The following FANCD2OS variants were observed in gnomAD, a reference collection of about 807,000 sequenced individuals.
FANCD2OS encodes FANCD2 opposite strand protein.
FANCD2OS carries 11 observed loss-of-function variants against 13.2 expected under a neutral mutation model. The ratio of observed to expected loss-of-function variants is 0.83; its 90% CI spans 0.52 to 1.38. FANCD2OS has a LOEUF of 1.38. FANCD2OS is among the 40% of genes most tolerant of loss of function. The pLI, the probability that FANCD2OS is intolerant of heterozygous loss-of-function variation, is 0.00. For synonymous variants in FANCD2OS, 69 were observed against 84.5 expected (o/e 0.82, Z 1.01); for missense variants, 217 against 213.9 (o/e 1.01, Z -0.09).
downstream of FANCD2OS, chr3:10,098,981 C>T (rs752791782): frequency 1.9e-6 from 3 of 1,613,944 alleles, no homozygotes; most frequent in East Asian, 4.5e-5. Flanking sequence ...TTTTTGGGAC[C>T]CAGAAGAAAC....
At chr3:10,101,602 C>G, downstream of FANCD2OS, 1 of 368,842 alleles carries the variant, frequency 2.7e-6, no homozygotes, top group South Asian at 2.8e-5. Flanking sequence ...GCCAGATGGT[C>G]TCAATCTCCT....
chr3:10,101,374 C>A (rs745331502), downstream of FANCD2OS: 860 of 577,290 alleles, frequency 1.5e-3, 8 homozygotes, highest in Middle Eastern at 0.033. Flanking sequence ...CTTTTTTGTT[C>A]CTCTTTTTTT....
chr3:10,090,254 A>T, intron 2 of FANCD2OS: 1 of 1,473,388 alleles, frequency 6.8e-7, no homozygotes, highest in Non-Finnish European at 9.5e-7. Flanking sequence ...TAAGCAGTGC[A>T]TCATGGTGTG....
At chr3:10,105,932 C>T (rs1695486855) in intron 1 of FANCD2OS, among the ~76,000 whole-genome samples, 2 of 150,746 alleles carry the variant, frequency 1.3e-5, no homozygotes, top group African/African-American at 4.9e-5. Flanking sequence ...ACAAACTCCA[C>T]GTGGGACCCA....
intron 2 of FANCD2OS, among the ~76,000 whole-genome samples, chr3:10,092,884 G>T (rs1445094284): frequency 1.3e-5 from 2 of 151,568 alleles, no homozygotes; most frequent in African/African-American, 2.4e-5. Flanking sequence ...TGGAAACAGG[G>T]TCTCATTCTG....
chr3:10,094,863 C>T (rs1465505257), intron 2 of FANCD2OS: 1 of 381,766 alleles, frequency 2.6e-6, no homozygotes. Context: ...ACAAAATACT[C>T]ACCATATTTG....
intron 2 of FANCD2OS, chr3:10,083,615 G>A (rs190616016): frequency 1.6e-3 from 245 of 152,296 alleles, no homozygotes; most frequent in African/African-American, 5.1e-3. Context: ...CCGACCAGGC[G>A]CAGTGGCTCA....
At chr3:10,106,993 A>G (rs1695512026) in intron 1 of FANCD2OS, among the ~76,000 whole-genome samples, 1 of 152,224 alleles carries the variant, frequency 6.6e-6, no homozygotes, top group Non-Finnish European at 1.5e-5. Context: ...ATTTTCTCCA[A>G]CTAGTATGTT....
At chr3:10,085,394 C>CTTTTTTTTTTTT (rs1242296810) in intron 2 of FANCD2OS, among the ~76,000 whole-genome samples, 1 of 136,940 alleles carries the variant, frequency 7.3e-6, no homozygotes, top group African/African-American at 2.7e-5. Flanking sequence ...TTTTTTCTTT[C>CTTTTTTTTTTTT]TTTTTTTTTT....
downstream of FANCD2OS, chr3:10,098,981 C>G: frequency 6.2e-7 from 1 of 1,613,944 alleles, no homozygotes; most frequent in Non-Finnish European, 8.5e-7. Flanking sequence ...TTTTTGGGAC[C>G]CAGAAGAAAC....
At chr3:10,105,833 C>T (rs1443197651) in intron 1 of FANCD2OS, among the ~76,000 whole-genome samples, 1 of 118,426 alleles carries the variant, frequency 8.4e-6, no homozygotes, top group Non-Finnish European at 1.7e-5. Context: ...TTGAGGTTCG[C>T]GATGTATGAA....
intron 2 of FANCD2OS, among the ~76,000 whole-genome samples, chr3:10,084,469 T>G (rs61077902): frequency 0.21 from 31,639 of 151,706 alleles, 4,011 homozygotes; most frequent in African/African-American, 0.36. Flanking sequence ...TTTCCTTTTT[T>G]TTTTCTTTGG....
At position 10,085,910 on chromosome 3, in the gene FANCD2OS, A is replaced by C; in HGVS notation, c.*44-4379T>G. 1.2e-6 allele frequency: 2 copies of C among 1,610,426 alleles called. No individual in the cohort carries two copies. The highest frequency in any genetic ancestry group is 1.7e-4 in the Middle Eastern group (1 of 6,054). On this transcript the variant is annotated intron_variant, in intron 2 of 2. Coordinates refer to the FANCD2OS transcript ENST00000524279. Reference sequence around the variant, plus strand: ...CAGGGAGAACACAGCCAGCCTTTGGAGGAACTACTCAGGTGAGTCATAACT... The same window carrying C: ...CAGGGAGAACACAGCCAGCCTTTGGCGGAACTACTCAGGTGAGTCATAACT...
chr3:10,093,340 G>A, intron 2 of FANCD2OS: 3 of 1,599,908 alleles, frequency 1.9e-6, no homozygotes, highest in Non-Finnish European at 2.6e-6. Flanking sequence ...GATTTACTGG[G>A]CCCTGTTTCA....
At chr3:10,086,441 G>A (rs1310576626) in intron 2 of FANCD2OS, among the ~76,000 whole-genome samples, 1 of 152,080 alleles carries the variant, frequency 6.6e-6, no homozygotes, top group Non-Finnish European at 1.5e-5. Flanking sequence ...GACCATCACT[G>A]GGTCAGCAGT....
downstream of FANCD2OS, chr3:10,099,135 TTC>T (rs1202328086): frequency 1.4e-6 from 2 of 1,473,954 alleles, no homozygotes; most frequent in African/African-American, 1.4e-5. Context: ...TCGAAGTATT[TTC>T]TGAGTGTTGA....
chr3:10,092,430 C>T (rs1245214533), intron 2 of FANCD2OS, among the ~76,000 whole-genome samples: 1 of 129,242 alleles, frequency 7.7e-6, no homozygotes, highest in Non-Finnish European at 1.5e-5. Context: ...TCTCACTAGG[C>T]ATTTTTTTTT....
At chr3:10,101,785 T>C, downstream of FANCD2OS, 1 of 205,916 alleles carries the variant, frequency 4.9e-6, no homozygotes, top group East Asian at 7.9e-5. Flanking sequence ...GCATTATTTA[T>C]TGGTTTGGAT....
At chr3:10,085,235 C>A (rs1284983385) in intron 2 of FANCD2OS, among the ~76,000 whole-genome samples, 1 of 151,888 alleles carries the variant, frequency 6.6e-6, no homozygotes, top group Admixed American at 6.6e-5. Flanking sequence ...CGTGGTGGCT[C>A]ACCCCTGTGA....
Sources: allele counts gnomAD v4.1 joint callset (sites outside exome capture counted in the v4.1 genomes callset), GRCh38; gene constraint gnomAD v4.1.1; transcripts MANE v1.5; gene names NCBI Gene and HGNC (gene_info 2026-07-23, HGNC 2026-07-21).